Variants in KCTD16 observed in about 807,000 individuals in gnomAD.
KCTD16 encodes the protein BTB/POZ domain-containing protein KCTD16.
In KCTD16, 13 loss-of-function variants were observed where a neutral mutation model predicts 33.2. The ratio of observed to expected loss-of-function variants is 0.39; its 90% CI spans 0.25 to 0.62. The LOEUF (loss-of-function observed/expected upper bound fraction) is 0.62. Ranked by LOEUF, KCTD16 falls within the 20% of genes least tolerant of loss-of-function variation. The pLI is 0.50. For missense variants in KCTD16, 441 were observed against 525.1 expected (o/e 0.84, Z 1.57); for synonymous variants, 197 against 195.3 (o/e 1.01, Z -0.07).
chr5:144,263,600 T>C (rs1755067976), intron 3 of KCTD16, among the ~76,000 whole-genome samples: 1 of 152,224 alleles, frequency 6.6e-6, no homozygotes, highest in Non-Finnish European at 1.5e-5. Context: ...TTAATGAGTT[T>C]TTAAAAATAA....
chr5:144,391,993 T>C (rs1752459658), intron 3 of KCTD16, among the ~76,000 whole-genome samples: 1 of 152,350 alleles, frequency 6.6e-6, no homozygotes, highest in Middle Eastern at 3.4e-3. Flanking sequence ...ATTTCTTCTC[T>C]TGGTGAATTT....
intron 3 of KCTD16, among the ~76,000 whole-genome samples, chr5:144,473,182 C>A (rs73792072): frequency 2.0e-4 from 30 of 152,150 alleles, no homozygotes; most frequent in Non-Finnish European, 4.4e-4. Flanking sequence ...ACTGTTGTCA[C>A]TTGGAGCTTT....
rs1414843349 is a variant in KCTD16 at position 144,484,547 on chromosome 5, T to C, written c.*10433T>C. ...AGCACCACCCCTTACACTTTTAAAG[T>C]TAAAGACCCTGTTGATCAGGTTACC... On this transcript the variant is annotated 3_prime_UTR_variant, in exon 4 of 4. Coordinates refer to ENST00000512467, the MANE Select transcript of KCTD16 (RefSeq NM_020768.4). The C allele has an allele frequency of 6.6e-6, 1 of 151,924 alleles. No individual in the cohort carries two copies. Among genetic ancestry groups the C allele is most frequent in the Non-Finnish European group, 1.5e-5 (1 of 67,920 alleles). The allele number at this position is 151,924 out of a possible 1,614,324, so 9.4% of individuals were successfully genotyped here. A position where few individuals can be genotyped will look rare whatever the true frequency, so the allele number is the denominator to read the frequency against.
intron 3 of KCTD16, among the ~76,000 whole-genome samples, chr5:144,418,726 G>T (rs1047026103): frequency 3.3e-5 from 5 of 152,166 alleles, no homozygotes; most frequent in Non-Finnish European, 7.3e-5. Flanking sequence ...AAGTGTGGAA[G>T]TTATGCCTGA....
At chr5:144,445,432 T>C (rs1753799167) in intron 3 of KCTD16, among the ~76,000 whole-genome samples, 2 of 152,178 alleles carry the variant, frequency 1.3e-5, no homozygotes, top group Admixed American at 1.3e-4. Context: ...ATTTATTGTC[T>C]GGAAGAGTGT....
chr5:144,414,269 T>C (rs1358162970), intron 3 of KCTD16, among the ~76,000 whole-genome samples: 5 of 152,200 alleles, frequency 3.3e-5, no homozygotes, highest in East Asian at 1.9e-4. Context: ...TATTATAAAA[T>C]AGGTCTAGCC....
At chr5:144,300,370 A>T (rs569355718) in intron 3 of KCTD16, among the ~76,000 whole-genome samples, 42 of 152,294 alleles carry the variant, frequency 2.8e-4, no homozygotes, top group African/African-American at 1.0e-3. Context: ...AATTCTTGCA[A>T]TCTGTCCTGA....
intron 3 of KCTD16, among the ~76,000 whole-genome samples, chr5:144,209,474 G>C (rs918853628): frequency 3.3e-5 from 5 of 152,090 alleles, no homozygotes; most frequent in African/African-American, 1.2e-4. Flanking sequence ...CATACCAGCA[G>C]CATATATCTT....
chr5:144,461,524 G>A (rs1475317851), intron 3 of KCTD16, among the ~76,000 whole-genome samples: 1 of 152,122 alleles, frequency 6.6e-6, no homozygotes, highest in South Asian at 2.1e-4. Context: ...TTCAGTACCA[G>A]TACCCTTGGC....
chr5:144,363,137 T>A (rs1298726032), intron 3 of KCTD16, among the ~76,000 whole-genome samples: 2 of 151,938 alleles, frequency 1.3e-5, no homozygotes, highest in Non-Finnish European at 2.9e-5. Flanking sequence ...AGGTCAGGAG[T>A]TCGAGACCAG....
chr5:144,299,352 A>G (rs1043570826), intron 3 of KCTD16, among the ~76,000 whole-genome samples: 3 of 151,412 alleles, frequency 2.0e-5, no homozygotes, highest in Admixed American at 6.6e-5. Flanking sequence ...TTTCTCTATC[A>G]GAATAACAAC....
At chr5:144,413,854 C>T (rs762615617) in intron 3 of KCTD16, among the ~76,000 whole-genome samples, 4 of 152,064 alleles carry the variant, frequency 2.6e-5, no homozygotes, top group African/African-American at 7.2e-5. Flanking sequence ...GAATGAGCAT[C>T]GATTTAAGAA....
chr5:144,299,898 T>TAAAAA (rs66821172), intron 3 of KCTD16, among the ~76,000 whole-genome samples: 2 of 128,898 alleles, frequency 1.6e-5, no homozygotes, highest in African/African-American at 3.0e-5. Flanking sequence ...CAGAATCATT[T>TAAAAA]AAAAAAAAAA....
At chr5:144,404,663 C>A (rs973154370) in intron 3 of KCTD16, among the ~76,000 whole-genome samples, 1 of 152,154 alleles carries the variant, frequency 6.6e-6, no homozygotes, top group Non-Finnish European at 1.5e-5. Flanking sequence ...TCATTTCTCC[C>A]TCTTCATTGA....
intron 3 of KCTD16, among the ~76,000 whole-genome samples, chr5:144,398,232 C>T (rs1197663596): frequency 6.6e-6 from 1 of 152,112 alleles, no homozygotes; most frequent in Non-Finnish European, 1.5e-5. Flanking sequence ...ACTTTTCTAA[C>T]TTATAGTTTT....
intron 3 of KCTD16, among the ~76,000 whole-genome samples, chr5:144,300,105 C>T (rs183054919): frequency 3.9e-5 from 6 of 152,104 alleles, no homozygotes; most frequent in Admixed American, 3.9e-4. Flanking sequence ...TATTCTGCCT[C>T]ATTCAGATAT....
chr5:144,401,885 T>A (rs1752712063), intron 3 of KCTD16, among the ~76,000 whole-genome samples: 1 of 152,182 alleles, frequency 6.6e-6, no homozygotes, highest in Non-Finnish European at 1.5e-5. Flanking sequence ...GGCTTATATG[T>A]GATAGAAGGG....
intron 3 of KCTD16, among the ~76,000 whole-genome samples, chr5:144,328,943 A>G (rs1298648040): frequency 1.3e-5 from 2 of 150,704 alleles, no homozygotes; most frequent in Non-Finnish European, 3.0e-5. Flanking sequence ...ATTGGCTGCT[A>G]TAGTGATTTT....
At chr5:144,253,281 T>C (rs1580822170) in intron 3 of KCTD16, among the ~76,000 whole-genome samples, 3 of 152,174 alleles carry the variant, frequency 2.0e-5, no homozygotes, top group Admixed American at 2.0e-4. Context: ...GTATCACTTT[T>C]CATTTAGTCA....
Sources: gnomAD v4.1 joint callset for allele counts (sites outside exome capture counted in the v4.1 genomes callset) on GRCh38, gnomAD v4.1.1 for gene constraint, MANE v1.5 for transcripts, NCBI Gene and HGNC (gene_info 2026-07-23, HGNC 2026-07-21) for gene names.